Variants in RGS7 observed in about 807,000 individuals in gnomAD.
The protein encoded by RGS7 is regulator of G protein signaling 7.
A neutral mutation model predicts 81.1 loss-of-function variants in RGS7; 27 were observed. That is an observed-to-expected ratio of 0.33 (90% confidence interval 0.25 to 0.46). The LOEUF is 0.46. Ranked by LOEUF, RGS7 falls within the 20% of genes least tolerant of loss-of-function variation. RGS7 has a pLI of 1.00. For missense variants in RGS7, 396 were observed against 607.4 expected (o/e 0.65, Z 3.66); for synonymous variants, 208 against 207.7 (o/e 1.00, Z -0.01).
At chr1:241,122,995 C>T (rs2066395769) in intron 2 of RGS7, among the ~76,000 whole-genome samples, 1 of 152,166 alleles carries the variant, frequency 6.6e-6, no homozygotes, top group Non-Finnish European at 1.5e-5. Flanking sequence ...AAGTGATTGT[C>T]AGACACATGA....
chr1:241,048,752 T>C (rs901171096), intron 3 of RGS7, among the ~76,000 whole-genome samples: 3 of 152,186 alleles, frequency 2.0e-5, no homozygotes, highest in East Asian at 3.9e-4. Flanking sequence ...TTATGCATCA[T>C]ATGAGCTTTC....
At chr1:240,859,703 C>T (rs1159479152) in intron 9 of RGS7, among the ~76,000 whole-genome samples, 1 of 151,952 alleles carries the variant, frequency 6.6e-6, no homozygotes, top group Non-Finnish European at 1.5e-5. Context: ...TTGCCATTCT[C>T]ATTGATACCT....
intron 6 of RGS7, among the ~76,000 whole-genome samples, chr1:240,915,690 A>C (rs1672487882): frequency 6.6e-6 from 1 of 152,048 alleles, no homozygotes; most frequent in Non-Finnish European, 1.5e-5. Flanking sequence ...TGTCAACAAC[A>C]AAAAAAATTC....
intron 3 of RGS7, among the ~76,000 whole-genome samples, chr1:241,071,492 TAA>T (rs2062438567): frequency 1.6e-5 from 1 of 60,906 alleles, no homozygotes; most frequent in Non-Finnish European, 3.3e-5. Context: ...GGCCTATGTT[TAA>T]GTGTTTTTTT....
At chr1:240,806,461 G>C in intron 14 of RGS7, 135 bp from the exon 15 acceptor site, 1 of 771,004 alleles carries the variant, frequency 1.3e-6, no homozygotes, top group Non-Finnish European at 2.3e-6. Context: ...CAGTATCAGG[G>C]TGGTACTGAC....
At chr1:241,306,332 C>A (rs1382633984) in intron 2 of RGS7, among the ~76,000 whole-genome samples, 4 of 151,002 alleles carry the variant, frequency 2.6e-5, no homozygotes, top group Admixed American at 6.6e-5. Context: ...CACACCCTTA[C>A]ACACATCCTC....
intron 4 of RGS7, among the ~76,000 whole-genome samples, chr1:240,952,535 A>G (rs974888144): frequency 6.6e-6 from 1 of 152,038 alleles, no homozygotes; most frequent in Non-Finnish European, 1.5e-5. Flanking sequence ...ACAAAATGGA[A>G]TTATTTAAAC....
intron 2 of RGS7, among the ~76,000 whole-genome samples, chr1:241,118,793 A>G (rs1572766051): frequency 6.6e-6 from 1 of 152,198 alleles, no homozygotes; most frequent in South Asian, 2.1e-4. Flanking sequence ...TTAGAAACAG[A>G]AAACCAAATA....
At chr1:241,182,622 G>C (rs1182811376) in intron 2 of RGS7, among the ~76,000 whole-genome samples, 1 of 150,396 alleles carries the variant, frequency 6.6e-6, no homozygotes, top group Non-Finnish European at 1.5e-5. Context: ...TTATGAACTG[G>C]CTTCTTCCTA....
intron 2 of RGS7, among the ~76,000 whole-genome samples, chr1:241,125,311 T>C (rs1474118366): frequency 3.3e-5 from 5 of 152,180 alleles, no homozygotes; most frequent in African/African-American, 9.7e-5. Flanking sequence ...ATTCATGTAA[T>C]ATTTAAGGGG....
intron 2 of RGS7, among the ~76,000 whole-genome samples, chr1:241,162,961 G>T (rs560069680): frequency 6.6e-6 from 1 of 152,178 alleles, no homozygotes; most frequent in Non-Finnish European, 1.5e-5. Context: ...TAGTTCCAGA[G>T]TTGGCACATT....
chr1:241,141,143 T>G (rs1165956892), intron 2 of RGS7, among the ~76,000 whole-genome samples: 2 of 152,194 alleles, frequency 1.3e-5, no homozygotes, highest in Non-Finnish European at 2.9e-5. Flanking sequence ...TAGATGTTCT[T>G]TACTCAGATT....
At chr1:240,968,787 C>G (rs534277353) in intron 4 of RGS7, among the ~76,000 whole-genome samples, 3 of 152,038 alleles carry the variant, frequency 2.0e-5, no homozygotes, top group Non-Finnish European at 4.4e-5. Flanking sequence ...TCTATCAGTG[C>G]CCTTATCACA....
rs201027327 is a variant in RGS7 at position 241,144,147 on chromosome 1, C to CATATATAT, written c.79-45393_79-45386dup. Among the ~76,000 whole-genome samples, 22 of 149,744 alleles carry CATATATAT rather than the reference C, an allele frequency of 1.5e-4. 1 individual carries two copies. Among genetic ancestry groups the CATATATAT allele is most frequent in the African/African-American group, 5.1e-4 (21 of 40,880 alleles). ...AATCTAGCTTTTCTAGTTTGTTCTTCATATATATATATATATGAGCATTTT... is the reference window on the plus strand; with the variant it reads ...AATCTAGCTTTTCTAGTTTGTTCTTCATATATATATATATATATATATATGAGCATTTT... On this transcript the variant is annotated intron_variant, in intron 2 of 18. Transcript: ENST00000440928. This position sits in a 1 kb window ranked among gnomAD's most constrained non-coding sequence, Gnocchi z 4.7.
chr1:241,236,458 C>T (rs1375447009), intron 2 of RGS7, among the ~76,000 whole-genome samples: 1 of 152,082 alleles, frequency 6.6e-6, no homozygotes, highest in East Asian at 1.9e-4. Flanking sequence ...GCAGCTTGAC[C>T]CTAAGGACTT....
chr1:241,330,484 A>C (rs2081912716), intron 2 of RGS7, among the ~76,000 whole-genome samples: 1 of 152,218 alleles, frequency 6.6e-6, no homozygotes, highest in South Asian at 2.1e-4. Flanking sequence ...GTTATACAGA[A>C]GCTTATCTGA....
chr1:240,956,134 G>A (rs1257747016), intron 4 of RGS7, among the ~76,000 whole-genome samples: 1 of 152,064 alleles, frequency 6.6e-6, no homozygotes, highest in Non-Finnish European at 1.5e-5. Flanking sequence ...CTTGCACAAA[G>A]CTAACGCAAT....
intron 2 of RGS7, among the ~76,000 whole-genome samples, chr1:241,242,476 C>T (rs1269514163): frequency 1.3e-5 from 2 of 152,142 alleles, no homozygotes; most frequent in African/African-American, 4.8e-5. Flanking sequence ...GACTTCTTTT[C>T]CTCTGGGTAG....
At chr1:241,328,609 C>G (rs540613176) in intron 2 of RGS7, among the ~76,000 whole-genome samples, 4 of 152,302 alleles carry the variant, frequency 2.6e-5, no homozygotes, top group East Asian at 1.9e-4. Context: ...CTAATTTTCA[C>G]CTTCCCATGA....
Sources: gnomAD v4.1 joint callset for allele counts (sites outside exome capture counted in the v4.1 genomes callset) on GRCh38, gnomAD v4.1.1 for gene constraint, Gnocchi (gnomAD v3.1) non-coding constraint, MANE v1.5 for transcripts, NCBI Gene and HGNC (gene_info 2026-07-23, HGNC 2026-07-21) for gene names.